Variants in CX3CL1 observed in about 807,000 individuals in gnomAD.
CX3CL1 encodes C-X3-C motif chemokine ligand 1.
Under a neutral mutation model 14.1 loss-of-function variants are expected in CX3CL1, and 1 was observed. The ratio of observed to expected loss-of-function variants is 0.07; its 90% CI spans 0.03 to 0.34. The LOEUF (loss-of-function observed/expected upper bound fraction) is 0.34. Ranked by LOEUF, CX3CL1 falls within the 10% of genes least tolerant of loss-of-function variation. CX3CL1 has a pLI of 0.99. For missense variants in CX3CL1, 505 were observed against 536.4 expected, an observed-to-expected ratio of 0.94 and a Z score of 0.58; for synonymous variants, 255 against 229.6, an observed-to-expected ratio of 1.11 and a Z score of -1.00.
At chr16:57,373,515 C>A (rs1186477150) in intron 1 of CX3CL1, among the ~76,000 whole-genome samples, 1 of 152,196 alleles carries the variant, frequency 6.6e-6, no homozygotes, top group Non-Finnish European at 1.5e-5. Context: ...AGGGAGTGCC[C>A]CCACCATCTG....
At position 57,382,898 on chromosome 16, in the gene CX3CL1, T is replaced by C; in HGVS notation, c.1060T>C (p.Cys354Arg). Residue 354 changes from cysteine (C) to arginine (R), a missense_variant, in exon 3 of 3, where the codon TGC becomes CGC. By Grantham distance (180) the Cys-to-Arg change is radical (BLOSUM62 -3). Coordinates refer to ENST00000006053, the MANE Select transcript of CX3CL1 (RefSeq NM_002996.6). The surrounding 1 kb of genome is among the most constrained non-coding windows in gnomAD (Gnocchi z 6.9). The stretch of plus-strand genomic sequence containing the variant: ...GCTGGCCTTCCTTGGCCTCCTCTTC[T>C]GCCTGGGGGTGGCCATGTTCACCTA... ...GLLAFLGLLF[C>R]LGVAMFTYQS... 1 of 1,553,564 alleles carries C rather than the reference T, an allele frequency of 6.4e-7. No individual in the cohort carries two copies. The highest frequency in any genetic ancestry group is 2.3e-5 in the East Asian group (1 of 44,054).
chr16:57,383,271 T>G lies in CX3CL1; in HGVS notation c.*239T>G. On this transcript the variant is annotated 3_prime_UTR_variant, in exon 3 of 3. Coordinates refer to ENST00000006053, the MANE Select transcript of CX3CL1 (RefSeq NM_002996.6). Reference sequence around the variant, plus strand: ...CCAACTCACCCCAGCCCCAAAACTCTCCTCTGCTGCTGGCTGGTTAGAGGT... The same window carrying G: ...CCAACTCACCCCAGCCCCAAAACTCGCCTCTGCTGCTGGCTGGTTAGAGGT... 1 of 383,190 alleles carries G rather than the reference T, an allele frequency of 2.6e-6. No individual in the cohort carries two copies. The highest frequency in any genetic ancestry group is 3.8e-5 in the East Asian group (1 of 26,330). 23.7% of individuals were successfully genotyped at this position (383,190 alleles called of 1,614,324 possible).
chr16:57,381,914 A>G (rs532572777), intron 2 of CX3CL1, 116 bp from the exon 3 acceptor site: 17 of 1,160,372 alleles, frequency 1.5e-5, no homozygotes, highest in Non-Finnish European at 2.0e-5. Flanking sequence ...GTGGGAGGAC[A>G]GGGTTTCCAG....
chr16:57,384,083 A>G lies in CX3CL1; in HGVS notation c.*1051A>G, dbSNP rs1166531406. 1 of 152,252 alleles carries G rather than the reference A, an allele frequency of 6.6e-6. No homozygotes were observed. The highest frequency in any genetic ancestry group is 1.9e-4 in the East Asian group (1 of 5,186). The allele number at this position is 152,252 out of a possible 1,614,324, so 9.4% of individuals were successfully genotyped here. ...AGGGAGGGCTCCAGACACATGTCCA[A>G]GAAGCCCAGGAAAGGCTCCAGGAGC... On this transcript the variant is annotated 3_prime_UTR_variant, in exon 3 of 3. Transcript: ENST00000006053.
chr16:57,374,507 T>C (rs547760204), intron 1 of CX3CL1, among the ~76,000 whole-genome samples: 2 of 151,780 alleles, frequency 1.3e-5, no homozygotes, highest in Admixed American at 6.6e-5. Flanking sequence ...TCATTAGCAG[T>C]GGGGGTGGAT....
At chr16:57,379,599 A>T (rs1902291390) in intron 1 of CX3CL1, 35 bp from the exon 2 acceptor site, 1 of 1,613,824 alleles carries the variant, frequency 6.2e-7, no homozygotes, top group Middle Eastern at 1.7e-4. Context: ...ATGCCCACAG[A>T]CATCCCTGCT....
rs1902388718 is a variant in CX3CL1, at chr16:57,384,710, G to A, written c.*1678G>A. The A allele has an allele frequency of 1.3e-5, 2 of 152,550 alleles. No homozygotes were observed. Among genetic ancestry groups the A allele is most frequent in the Non-Finnish European group, 2.9e-5 (2 of 68,268 alleles). The allele number at this position is 152,550 out of a possible 1,614,324, so 9.4% of individuals were successfully genotyped here. On this transcript the variant is annotated 3_prime_UTR_variant, in exon 3 of 3. Transcript: ENST00000006053. ...GCTGGGTGTGGCGCAGCATATTCAG[G>A]AAGCTCAGGGCCTGGCTCAGGTGGG...
rs1451051464 is a variant in CX3CL1 at position 57,383,898 on chromosome 16, G to A, written c.*866G>A. ...ATGGACTAACTTGTCTTTGGACCCT[G>A]AGGCCCAGAGGGCCTGCAAGGGAGT... On this transcript the variant is annotated 3_prime_UTR_variant, in exon 3 of 3. Transcript: ENST00000006053. 1.3e-5 allele frequency: 2 copies of A among 152,438 alleles called. No homozygotes were observed. The highest frequency in any genetic ancestry group is 2.9e-5 in the Non-Finnish European group (2 of 68,188). The allele number at this position is 152,438 out of a possible 1,614,324, so 9.4% of individuals were successfully genotyped here.
chr16:57,373,374 A>C (rs1178616441), intron 1 of CX3CL1, among the ~76,000 whole-genome samples: 1 of 152,232 alleles, frequency 6.6e-6, no homozygotes, highest in Non-Finnish European at 1.5e-5. Context: ...CTGGCCTGAC[A>C]ATGCACAGCC....
At chr16:57,380,465 G>A (rs1193975588) in intron 2 of CX3CL1, among the ~76,000 whole-genome samples, 1 of 152,168 alleles carries the variant, frequency 6.6e-6, no homozygotes, top group East Asian at 1.9e-4. Flanking sequence ...GGTTGAGGCA[G>A]GAGAATCGCT....
intron 1 of CX3CL1, chr16:57,377,182 C>A (rs1902258295): frequency 6.6e-6 from 1 of 152,216 alleles, no homozygotes; most frequent in Non-Finnish European, 1.5e-5. Flanking sequence ...TGGGCAGCCT[C>A]CCTTGCCTCC....
chr16:57,374,465 A>T (rs1287833129), intron 1 of CX3CL1, among the ~76,000 whole-genome samples: 3 of 152,050 alleles, frequency 2.0e-5, no homozygotes, highest in African/African-American at 7.2e-5. Context: ...AAAAAAAACG[A>T]ATCTGTTTTA....
intron 1 of CX3CL1, 130 bp downstream of exon 1, chr16:57,372,768 C>A (rs1902196566): frequency 4.8e-6 from 4 of 833,184 alleles, no homozygotes; most frequent in South Asian, 3.2e-5. Context: ...GCCGCTTCCC[C>A]AGGGATGTGC....
intron 1 of CX3CL1, among the ~76,000 whole-genome samples, chr16:57,374,875 T>C (rs576035134): frequency 2.0e-5 from 3 of 152,186 alleles, no homozygotes; most frequent in South Asian, 4.1e-4. Context: ...GCGCAGGGGC[T>C]CATGCCTGTA....
intron 2 of CX3CL1, among the ~76,000 whole-genome samples, 177 bp from the exon 3 acceptor site, chr16:57,381,853 T>A (rs115155139): frequency 0.016 from 2,372 of 152,230 alleles, 71 homozygotes; most frequent in African/African-American, 0.054. Context: ...AGGACCTGGA[T>A]GCTCAGGAGA....
At chr16:57,376,649 T>G (rs890342002) in intron 1 of CX3CL1, among the ~76,000 whole-genome samples, 2 of 147,662 alleles carry the variant, frequency 1.4e-5, no homozygotes, top group Non-Finnish European at 3.0e-5. Context: ...GGAGAGGGAG[T>G]GGGTAGATGG....
At chr16:57,380,287 G>A (rs1302617121) in intron 2 of CX3CL1, among the ~76,000 whole-genome samples, 1 of 152,206 alleles carries the variant, frequency 6.6e-6, no homozygotes, top group Non-Finnish European at 1.5e-5. Context: ...CAAGGGCGCG[G>A]TGGCTAATGC....
rs1405320703 is a variant in CX3CL1, at chr16:57,382,141, C to G, written c.303C>G (p.Gly101=). 2 of 1,613,892 alleles carry G rather than the reference C, an allele frequency of 1.2e-6. No individual in the cohort carries two copies. Among genetic ancestry groups the G allele is most frequent in the African/African-American group, 2.7e-5 (2 of 74,920 alleles). ...RQAAALTRNG[G]TFEKQIGEVK... ...CTGCTGCCCTAACTCGAAATGGCGGCACCTTCGAGAAGCAGATCGGCGAGG... is the reference window on the plus strand; with the variant it reads ...CTGCTGCCCTAACTCGAAATGGCGGGACCTTCGAGAAGCAGATCGGCGAGG... Residue 101 remains glycine (G), a synonymous_variant, in exon 3 of 3, where the codon GGC becomes GGG. Coordinates refer to ENST00000006053, the MANE Select transcript of CX3CL1 (RefSeq NM_002996.6). The surrounding 1 kb of genome is among the most constrained non-coding windows in gnomAD (Gnocchi z 6.9).
chr16:57,372,607 C>T lies in CX3CL1; in HGVS notation c.39C>T (p.Ala13=), dbSNP rs201608370. 1.5e-4 allele frequency: 237 copies of T among 1,613,528 alleles called. 2 individuals carry two copies. Among genetic ancestry groups the T allele is most frequent in the Admixed American group, 3.3e-4 (20 of 59,996 alleles). ...CTCTGTCGTGGCTGCTCCGCTTGGCCACCTTCTGCCATCTGACTGTCCTGC... is the reference window on the plus strand; with the variant it reads ...CTCTGTCGTGGCTGCTCCGCTTGGCTACCTTCTGCCATCTGACTGTCCTGC... ...PISLSWLLRL[A]TFCHLTVLLA... Residue 13 remains alanine (A), a synonymous_variant, in exon 1 of 3, where the codon GCC becomes GCT. Transcript: ENST00000006053.
Sources: gnomAD v4.1 joint callset for allele counts (sites outside exome capture counted in the v4.1 genomes callset) on GRCh38, gnomAD v4.1.1 for gene constraint, Gnocchi (gnomAD v3.1) non-coding constraint, MANE v1.5 for transcripts, NCBI Gene and HGNC (gene_info 2026-07-23, HGNC 2026-07-21) for gene names.